NEO1: variants seen among roughly 807,000 people sequenced by gnomAD.
NEO1 encodes neogenin.
Under a neutral mutation model 159.7 loss-of-function variants are expected in NEO1, and 63 were observed. The observed-to-expected ratio is 0.39, with a 90% confidence interval of 0.32 to 0.49. NEO1 has a LOEUF of 0.49. NEO1 is among the 20% of genes least tolerant of loss of function. The probability of loss-of-function intolerance (pLI) is 0.85; values close to 1 mark genes in which losing one functional copy is unlikely to be tolerated. For missense variants in NEO1, 1,615 were observed against 1,831.0 expected (o/e 0.88, Z 2.15); for synonymous variants, 633 against 662.0 (o/e 0.96, Z 0.67).
intron 5 of NEO1, among the ~76,000 whole-genome samples, chr15:73,152,864 G>A (rs1042570197): frequency 6.6e-6 from 1 of 152,062 alleles, no homozygotes; most frequent in East Asian, 1.9e-4. Context: ...TGGTGTGAGA[G>A]TAGAAAAAAA....
intron 26 of NEO1, among the ~76,000 whole-genome samples, chr15:73,294,222 GTT>G (rs920679659): frequency 2.0e-5 from 3 of 152,242 alleles, no homozygotes; most frequent in African/African-American, 7.2e-5. Context: ...TTATCAAACA[GTT>G]TTAAGGAGGA....
chr15:73,209,647 G>A (rs1049936167), intron 7 of NEO1, among the ~76,000 whole-genome samples: 3 of 152,146 alleles, frequency 2.0e-5, no homozygotes, highest in Non-Finnish European at 4.4e-5. Flanking sequence ...GATAATTTCA[G>A]AATGGTAGAC....
At chr15:73,152,160 G>A (rs1476556941) in intron 5 of NEO1, among the ~76,000 whole-genome samples, 2 of 152,116 alleles carry the variant, frequency 1.3e-5, no homozygotes, top group African/African-American at 4.8e-5. Flanking sequence ...ATCTCCCATA[G>A]CCTTTGTTAC....
intron 7 of NEO1, among the ~76,000 whole-genome samples, chr15:73,220,910 CCTT>C: frequency 6.6e-6 from 1 of 152,180 alleles, no homozygotes; most frequent in East Asian, 1.9e-4. Flanking sequence ...TCGTCTGAAG[CCTT>C]CTTCTCTCAA....
chr15:73,066,055 G>A (rs1006880393), intron 1 of NEO1, among the ~76,000 whole-genome samples: 16 of 138,276 alleles, frequency 1.2e-4, no homozygotes, highest in East Asian at 4.2e-4. Context: ...TTTTTGAGAC[G>A]GAGTCTTGCT....
At chr15:73,221,637 G>T (rs2038272177) in intron 7 of NEO1, 1 of 156,252 alleles carries the variant, frequency 6.4e-6, no homozygotes, top group African/African-American at 2.4e-5. Context: ...GCAATGGCTG[G>T]CGCCCCTCCC....
At chr15:73,188,727 T>G (rs964539677) in intron 7 of NEO1, among the ~76,000 whole-genome samples, 1 of 152,206 alleles carries the variant, frequency 6.6e-6, no homozygotes, top group Admixed American at 6.5e-5. Context: ...ACAATTTACA[T>G]TTTTACTAAG....
intron 9 of NEO1, among the ~76,000 whole-genome samples, 194 bp downstream of exon 9, chr15:73,244,692 T>C (rs2039663975): frequency 6.6e-6 from 1 of 152,072 alleles, no homozygotes; most frequent in Non-Finnish European, 1.5e-5. Flanking sequence ...GGCTCATGCC[T>C]GTAATCCAAG....
intron 14 of NEO1, among the ~76,000 whole-genome samples, chr15:73,260,027 A>C (rs2040547827): frequency 6.6e-6 from 1 of 151,450 alleles, no homozygotes; most frequent in African/African-American, 2.4e-5. Flanking sequence ...TTCTCTTCCA[A>C]ATTAATATTG....
chr15:73,297,418 AATAG>A (rs1465822216), intron 26 of NEO1, among the ~76,000 whole-genome samples: 2 of 152,220 alleles, frequency 1.3e-5, no homozygotes, highest in African/African-American at 2.4e-5. Context: ...AAAGAATCTT[AATAG>A]ATAGATATTC....
chr15:73,236,570 A>C, intron 8 of NEO1, 64 bp downstream of exon 8: 2 of 1,459,890 alleles, frequency 1.4e-6, no homozygotes, highest in Non-Finnish European at 1.9e-6. Context: ...TGTCATGCTC[A>C]CCCTGGCTCT....
rs935567310 is a variant in NEO1, at chr15:73,204,602, T to C, written c.1291+26175T>C. 9.2e-5 allele frequency among the ~76,000 whole-genome samples: 14 copies of C among 152,324 alleles called. No homozygotes were observed. The East Asian group carries it at 2.7e-3, about 29-fold the overall frequency. ...AAAGGCATGCTTCATTTTTTCTTTG[T>C]AGAATTCCTTTTGATTCTTTTTTTA... On this transcript the variant is annotated intron_variant, in intron 7 of 28. Transcript: ENST00000261908.
chr15:73,229,731 G>T (rs746173100), intron 7 of NEO1, among the ~76,000 whole-genome samples: 2 of 151,996 alleles, frequency 1.3e-5, no homozygotes, highest in African/African-American at 2.4e-5. Context: ...TTCCTAGTTT[G>T]TTGAGAGTTT....
chr15:73,061,778 A>G (rs1595888926), intron 1 of NEO1, among the ~76,000 whole-genome samples: 3 of 152,234 alleles, frequency 2.0e-5, no homozygotes, highest in Non-Finnish European at 2.9e-5. Context: ...TATCTGGTAC[A>G]TATATAACAA....
At chr15:73,199,646 T>A (rs1254787542) in intron 7 of NEO1, among the ~76,000 whole-genome samples, 3 of 152,208 alleles carry the variant, frequency 2.0e-5, no homozygotes, top group African/African-American at 7.2e-5. Flanking sequence ...TTTCTTGGTA[T>A]ATTTGTGCTG....
Position 73,198,775 on chromosome 15 carries a change from C to CT in NEO1, c.1291+20354dup, listed in dbSNP as rs981547901. Among the ~76,000 whole-genome samples the CT allele has an allele frequency of 4.9e-4, 75 of 152,006 alleles. 1 individual carries two copies. The highest frequency in any genetic ancestry group is 1.7e-3 in the African/African-American group (71 of 41,494). On this transcript the variant is annotated intron_variant, in intron 7 of 28. Transcript: ENST00000261908. The stretch of plus-strand genomic sequence containing the variant: ...TTACTTTCTAGTCCACTAATTTCCT[C>CT]TTTTTTCTTTTTGAGTTCAATGTGC...
At chr15:73,240,656 A>G (rs1342367597) in intron 8 of NEO1, among the ~76,000 whole-genome samples, 9 of 152,356 alleles carry the variant, frequency 5.9e-5, no homozygotes, top group Middle Eastern at 6.8e-3. Context: ...GAGAGAAAAA[A>G]TAGAGTCAGG....
chr15:73,236,017 C>G (rs565405427), intron 7 of NEO1, among the ~76,000 whole-genome samples: 7 of 152,312 alleles, frequency 4.6e-5, no homozygotes, highest in South Asian at 4.1e-4. Flanking sequence ...AGCTGTCACC[C>G]TCCTTGTCCC....
In NEO1 at chr15:73,163,466, T is replaced by A. The variant is rs191870079; in HGVS notation, c.1016-12937T>A. Among the ~76,000 whole-genome samples, 101 of 152,304 alleles carry A rather than the reference T, an allele frequency of 6.6e-4. No homozygotes were observed. The Middle Eastern group carries it at 0.01, about 15-fold the overall frequency. The stretch of plus-strand genomic sequence containing the variant: ...TCTTCAAAAAGCATTTACATACATG[T>A]ACATCTACAAATAAATTTTTTTCAT... On this transcript the variant is annotated intron_variant, in intron 5 of 28. Transcript: ENST00000261908.
Sources: gnomAD v4.1 joint callset for allele counts (sites outside exome capture counted in the v4.1 genomes callset) on GRCh38, gnomAD v4.1.1 for gene constraint, MANE v1.5 for transcripts, NCBI Gene and HGNC (gene_info 2026-07-23, HGNC 2026-07-21) for gene names.